RAB31: variants seen among roughly 807,000 people sequenced by gnomAD.
RAB31 encodes the protein ras-related protein Rab-31.
A neutral mutation model predicts 25.6 loss-of-function variants in RAB31; 21 were observed. That is an observed-to-expected ratio of 0.82 (90% confidence interval 0.58 to 1.18). The LOEUF is 1.18. Among genes scored for constraint, RAB31 ranks in the 50% most tolerant of loss-of-function variants. RAB31 has a pLI of 0.00. For synonymous variants in RAB31, 87 were observed against 84.0 expected (o/e 1.04, Z -0.20); for missense variants, 196 against 250.1 (o/e 0.78, Z 1.46).
intron 1 of RAB31, among the ~76,000 whole-genome samples, chr18:9,748,948 T>C (rs2068220188): frequency 6.6e-6 from 1 of 152,090 alleles, no homozygotes; most frequent in Non-Finnish European, 1.5e-5. Flanking sequence ...AAGATTCAAA[T>C]AGTATAGAAA....
intron 2 of RAB31, among the ~76,000 whole-genome samples, chr18:9,782,203 G>T (rs2068408653): frequency 6.6e-6 from 1 of 152,188 alleles, no homozygotes; most frequent in Admixed American, 6.5e-5. Context: ...TGTCCTGCCT[G>T]GTCCCTAGAC....
chr18:9,766,907 ATGT>A lies in RAB31; in HGVS notation c.40-8367_40-8365del, dbSNP rs370141855. 3.3e-4 allele frequency among the ~76,000 whole-genome samples: 50 copies of A among 152,322 alleles called. 1 individual carries two copies. In the East Asian group the frequency reaches 9.5e-3, roughly 29 times the overall value. On this transcript the variant is annotated intron_variant, in intron 1 of 6. Coordinates refer to ENST00000578921, the MANE Select transcript of RAB31 (RefSeq NM_006868.4). The surrounding 1 kb of genome is among the most constrained non-coding windows in gnomAD (Gnocchi z 4.3). ...GGAAGGAGTAGGTTGCAGTGAGCCG[ATGT>A]TGTGCCACTGTAATCCAGCCTGGGT...
chr18:9,744,663 C>T (rs1462833358), intron 1 of RAB31, among the ~76,000 whole-genome samples: 1 of 152,064 alleles, frequency 6.6e-6, no homozygotes, highest in East Asian at 1.9e-4. Flanking sequence ...TGAATTAATC[C>T]TGAGGGCTTA....
At chr18:9,748,697 C>T (rs1350319475) in intron 1 of RAB31, among the ~76,000 whole-genome samples, 3 of 151,964 alleles carry the variant, frequency 2.0e-5, no homozygotes, top group Admixed American at 2.0e-4. Context: ...TCGAGACCAG[C>T]CTGGCCAATA....
At chr18:9,761,787 T>C (rs4797386) in intron 1 of RAB31, among the ~76,000 whole-genome samples, 150,517 of 152,320 alleles carry the variant, frequency 0.99, 74,392 homozygotes, top group East Asian at 1. Context: ...AAAAAGAGGG[T>C]CGCAAGCATC....
At chr18:9,832,788 C>G (rs533729335) in intron 5 of RAB31, among the ~76,000 whole-genome samples, 5 of 152,180 alleles carry the variant, frequency 3.3e-5, no homozygotes, top group Non-Finnish European at 5.9e-5. Context: ...TTTTGAATAT[C>G]CTGAGGGGGA....
rs1209050875 is a variant in RAB31, at chr18:9,815,099, G to A, written c.274-17G>A. Reference sequence around the variant, plus strand: ...TTGAGGGGTCTTTCTAATGATTTGTGTACACTGTTGGTTTAGGATTCATTT... The same window carrying A: ...TTGAGGGGTCTTTCTAATGATTTGTATACACTGTTGGTTTAGGATTCATTT... On this transcript the variant is annotated splice_polypyrimidine_tract_variant and intron_variant, in intron 4 of 6. Coordinates refer to ENST00000578921, the MANE Select transcript of RAB31 (RefSeq NM_006868.4). 21 of 1,478,272 alleles carry A rather than the reference G, an allele frequency of 1.4e-5. No homozygotes were observed. Among genetic ancestry groups the A allele is most frequent in the African/African-American group, 2.8e-5 (2 of 71,336 alleles). The allele number at this position is 1,478,272 out of a possible 1,614,324, so 91.6% of individuals were successfully genotyped here. A position where few individuals can be genotyped will look rare whatever the true frequency, so the allele number is the denominator to read the frequency against.
chr18:9,792,222 C>T lies in RAB31; in HGVS notation c.188C>T (p.Ala63Val). Residue 63 changes from alanine (A) to valine (V), a missense_variant, in exon 3 of 7, where the codon GCT becomes GTT. Coordinates refer to ENST00000578921, the MANE Select transcript of RAB31 (RefSeq NM_006868.4). ...ELHKFLIWDTAGQERFHSLAP... is the reference protein window; with the variant it reads ...ELHKFLIWDTVGQERFHSLAP... ...CACAAGTTCCTCATCTGGGACACTGCTGGTCAGGAACGGGTGAGTATATGC... is the reference window on the plus strand; with the variant it reads ...CACAAGTTCCTCATCTGGGACACTGTTGGTCAGGAACGGGTGAGTATATGC... The T allele has an allele frequency of 6.2e-7, 1 of 1,611,920 alleles. No individual in the cohort carries two copies. Among genetic ancestry groups the T allele is most frequent in the Non-Finnish European group, 8.5e-7 (1 of 1,178,990 alleles).
At chr18:9,749,706 T>A (rs924354009) in intron 1 of RAB31, among the ~76,000 whole-genome samples, 2 of 152,222 alleles carry the variant, frequency 1.3e-5, no homozygotes, top group Admixed American at 1.3e-4. Flanking sequence ...ATTGTTCCCA[T>A]GAATGGCTAC....
At chr18:9,841,211 C>T (rs1433961222) in intron 5 of RAB31, among the ~76,000 whole-genome samples, 2 of 151,258 alleles carry the variant, frequency 1.3e-5, no homozygotes, top group East Asian at 4.0e-4. Flanking sequence ...GGATTACAGG[C>T]GTGAGCCACT....
chr18:9,851,301 T>A (rs1342829504), intron 6 of RAB31, among the ~76,000 whole-genome samples: 1 of 152,202 alleles, frequency 6.6e-6, no homozygotes, highest in Non-Finnish European at 1.5e-5. Context: ...TATGGGCAAG[T>A]TGGGTCTCAA....
At chr18:9,827,737 A>T (rs1243799378) in intron 5 of RAB31, among the ~76,000 whole-genome samples, 1 of 152,154 alleles carries the variant, frequency 6.6e-6, no homozygotes, top group South Asian at 2.1e-4. Flanking sequence ...GAGGAAGGAA[A>T]TTAGTCCTAT....
Position 9,859,267 on chromosome 18 carries a change from A to G in RAB31, c.530A>G (p.Asn177Ser). Residue 177 changes from asparagine to serine, a missense_variant, in exon 7 of 7, where the codon AAC becomes AGC. Asn to Ser is a conservative substitution (Grantham distance 46). Coordinates refer to ENST00000578921, the MANE Select transcript of RAB31 (RefSeq NM_006868.4). ...CCCTTGGACCCCCATGAAAATGGAAACAATGGAACAATCAAAGTTGAGAAG... is the reference window on the plus strand; with the variant it reads ...CCCTTGGACCCCCATGAAAATGGAAGCAATGGAACAATCAAAGTTGAGAAG... Reference protein sequence around the residue: ...IPPLDPHENGNNGTIKVEKPT... With the variant: ...IPPLDPHENGSNGTIKVEKPT... The G allele has an allele frequency of 6.2e-7, 1 of 1,613,924 alleles. No homozygotes were observed. The highest frequency in any genetic ancestry group is 2.2e-5 in the East Asian group (1 of 44,878).
At chr18:9,802,156 G>A (rs1249113574) in intron 3 of RAB31, among the ~76,000 whole-genome samples, 1 of 152,196 alleles carries the variant, frequency 6.6e-6, no homozygotes, top group Non-Finnish European at 1.5e-5. Context: ...TAGCTATTCT[G>A]TGTATGTTGC....
intron 3 of RAB31, among the ~76,000 whole-genome samples, chr18:9,803,714 C>T (rs931408692): frequency 2.0e-5 from 3 of 152,174 alleles, no homozygotes; most frequent in African/African-American, 7.2e-5. Context: ...TGAAGAGTTT[C>T]ATTGATATTT....
At chr18:9,849,807 A>C (rs2068780064) in intron 6 of RAB31, among the ~76,000 whole-genome samples, 1 of 152,136 alleles carries the variant, frequency 6.6e-6, no homozygotes, top group South Asian at 2.1e-4. Flanking sequence ...CCAAGGCAGG[A>C]AATGTCGTGG....
At chr18:9,726,717 C>A (rs2068097775) in intron 1 of RAB31, among the ~76,000 whole-genome samples, 1 of 152,074 alleles carries the variant, frequency 6.6e-6, no homozygotes, top group Non-Finnish European at 1.5e-5. Flanking sequence ...TACTGTAGAA[C>A]ATCATTATTT....
intron 6 of RAB31, among the ~76,000 whole-genome samples, chr18:9,846,882 T>G (rs914339310): frequency 1.2e-4 from 18 of 152,228 alleles, no homozygotes; most frequent in African/African-American, 4.3e-4. Flanking sequence ...AAAGAATGGC[T>G]TGGAGCCTCC....
chr18:9,713,240 T>TG (rs2068026860), intron 1 of RAB31, among the ~76,000 whole-genome samples: 1 of 152,214 alleles, frequency 6.6e-6, no homozygotes, highest in Non-Finnish European at 1.5e-5. Flanking sequence ...TGATCACATT[T>TG]GCTTTCCAAG....
Sources: allele counts gnomAD v4.1 joint callset (sites outside exome capture counted in the v4.1 genomes callset), GRCh38; gene constraint gnomAD v4.1.1; non-coding constraint Gnocchi (gnomAD v3.1); transcripts MANE v1.5; gene names NCBI Gene and HGNC (gene_info 2026-07-23, HGNC 2026-07-21).